Variants in RORB observed in about 807,000 individuals in gnomAD.
RORB encodes the protein nuclear receptor ROR-beta.
In RORB, 6 loss-of-function variants were observed where a neutral mutation model predicts 59.1. The observed-to-expected ratio is 0.10, with a 90% CI of 0.06 to 0.20. RORB has a LOEUF of 0.20. Among genes scored for constraint, RORB ranks in the 10% least tolerant of loss-of-function variants. The probability of loss-of-function intolerance (pLI) is 1.00; values close to 1 mark genes in which losing one functional copy is unlikely to be tolerated. For missense variants in RORB, 320 were observed against 560.5 expected, an observed-to-expected ratio of 0.57 and a Z score of 4.33; for synonymous variants, 215 against 204.5, an observed-to-expected ratio of 1.05 and a Z score of -0.44.
intron 1 of RORB, among the ~76,000 whole-genome samples, chr9:74,500,643 G>C (rs549369454): frequency 1.3e-5 from 2 of 152,258 alleles, no homozygotes; most frequent in South Asian, 2.1e-4. Context: ...TTTGAGCGAC[G>C]GAAAGGTGAT....
chr9:74,680,736 T>G (rs1280010529), intron 9 of RORB, among the ~76,000 whole-genome samples: 1 of 152,244 alleles, frequency 6.6e-6, no homozygotes, highest in Admixed American at 6.5e-5. Context: ...TCACTTTATG[T>G]GCCCTGTTTT....
At position 74,497,952 on chromosome 9, in the gene RORB, C is replaced by G; in HGVS notation, c.-25C>G. ...CGGGCTGGGAGCAGCTTCATGACTA[C>G]GCGGAGCGGGAGAGCGGCCACACCA... is the stretch of plus-strand genomic sequence containing the variant. On this transcript the variant is annotated 5_prime_UTR_variant, in exon 1 of 10. Coordinates refer to ENST00000376896, the MANE Select transcript of RORB (RefSeq NM_006914.4). 6.2e-7 allele frequency: 1 copy of G among 1,611,654 alleles called. No homozygotes were observed. The highest frequency in any genetic ancestry group is 8.5e-7 in the Non-Finnish European group (1 of 1,179,222).
At chr9:74,646,828 A>G (rs984779289) in intron 4 of RORB, among the ~76,000 whole-genome samples, 33 of 152,176 alleles carry the variant, frequency 2.2e-4, no homozygotes, top group African/African-American at 7.2e-4. Context: ...ACGAAAATAA[A>G]TAGTCACGAC....
chr9:74,583,753 A>C (rs1281045426), intron 1 of RORB, among the ~76,000 whole-genome samples: 4 of 152,140 alleles, frequency 2.6e-5, no homozygotes, highest in Non-Finnish European at 5.9e-5. Flanking sequence ...TAAGGAGTAA[A>C]TATTATTTAG....
At chr9:74,673,092 C>T (rs562612488) in intron 9 of RORB, among the ~76,000 whole-genome samples, 8 of 152,310 alleles carry the variant, frequency 5.3e-5, no homozygotes, top group African/African-American at 1.9e-4. Flanking sequence ...TTCTCTTTCA[C>T]GTAACTTTTC....
chr9:74,654,715 T>C (rs548848808), intron 4 of RORB, among the ~76,000 whole-genome samples: 5 of 152,342 alleles, frequency 3.3e-5, no homozygotes, highest in Non-Finnish European at 7.3e-5. Context: ...GTCATTTCTA[T>C]CCCATAAAGT....
At chr9:74,537,967 G>A (rs181789456) in intron 1 of RORB, among the ~76,000 whole-genome samples, 2 of 152,200 alleles carry the variant, frequency 1.3e-5, no homozygotes, top group Non-Finnish European at 2.9e-5. Flanking sequence ...CTCATCCAGA[G>A]AAACTTCCAG....
At chr9:74,564,721 A>G (rs542157094) in intron 1 of RORB, among the ~76,000 whole-genome samples, 1 of 152,376 alleles carries the variant, frequency 6.6e-6, no homozygotes, top group East Asian at 1.9e-4. Flanking sequence ...TTTAAAAAAT[A>G]TAGCATTCAC....
chr9:74,650,155 G>A (rs1823968216), intron 4 of RORB, among the ~76,000 whole-genome samples: 1 of 152,154 alleles, frequency 6.6e-6, no homozygotes, highest in African/African-American at 2.4e-5. Context: ...GGAGGAGCAG[G>A]GAATGTTTCT....
chr9:74,578,632 G>T (rs1420496971), intron 1 of RORB, among the ~76,000 whole-genome samples: 1 of 151,960 alleles, frequency 6.6e-6, no homozygotes, highest in Non-Finnish European at 1.5e-5. Context: ...GACATGAAAT[G>T]CTGTAAAAGA....
intron 1 of RORB, among the ~76,000 whole-genome samples, chr9:74,528,902 A>G (rs978594605): frequency 5.3e-5 from 8 of 152,032 alleles, no homozygotes; most frequent in Non-Finnish European, 1.0e-4. Flanking sequence ...GGTAGGTTAA[A>G]TAACATTCCT....
At chr9:74,681,669 C>A (rs1247003608) in intron 9 of RORB, among the ~76,000 whole-genome samples, 1 of 152,132 alleles carries the variant, frequency 6.6e-6, no homozygotes, top group African/African-American at 2.4e-5. Context: ...GAGGAAGAGT[C>A]CATATTAACA....
chr9:74,587,238 C>A (rs1371533649), intron 1 of RORB, among the ~76,000 whole-genome samples: 4 of 152,174 alleles, frequency 2.6e-5, no homozygotes, highest in African/African-American at 9.7e-5. Flanking sequence ...AGATAAGATT[C>A]ATATTTTGTC....
At chr9:74,562,376 T>C (rs1196795935) in intron 1 of RORB, among the ~76,000 whole-genome samples, 1 of 152,254 alleles carries the variant, frequency 6.6e-6, no homozygotes, top group Non-Finnish European at 1.5e-5. Context: ...TGTGTGTATG[T>C]ATGAATAAAT....
chr9:74,669,369 C>A (rs1824314610), intron 8 of RORB, among the ~76,000 whole-genome samples: 1 of 151,692 alleles, frequency 6.6e-6, no homozygotes, highest in Non-Finnish European at 1.5e-5. Context: ...ATTCCAGCTC[C>A]TTGGGAAGCT....
intron 1 of RORB, among the ~76,000 whole-genome samples, chr9:74,617,514 C>A (rs571235927): frequency 6.6e-6 from 1 of 152,260 alleles, no homozygotes; most frequent in South Asian, 2.1e-4. Context: ...GGATCTGATG[C>A]GCTCAAATAT....
At chr9:74,506,381 A>G (rs140193681) in intron 1 of RORB, among the ~76,000 whole-genome samples, 2 of 152,230 alleles carry the variant, frequency 1.3e-5, no homozygotes, top group Non-Finnish European at 2.9e-5. Flanking sequence ...GACTCTTAGT[A>G]ATAAAAACCT....
intron 1 of RORB, among the ~76,000 whole-genome samples, chr9:74,518,191 G>T (rs1826035516): frequency 6.6e-6 from 1 of 151,962 alleles, no homozygotes; most frequent in Non-Finnish European, 1.5e-5. Context: ...CTAAGTGAGT[G>T]GTCTAGGGAA....
chr9:74,655,519 G>C (rs900238752), intron 4 of RORB, among the ~76,000 whole-genome samples: 3 of 152,184 alleles, frequency 2.0e-5, no homozygotes, highest in African/African-American at 7.2e-5. Context: ...CATATCCTCT[G>C]CTCTTTTACC....
Sources: gnomAD v4.1 joint callset for allele counts (sites outside exome capture counted in the v4.1 genomes callset) on GRCh38, gnomAD v4.1.1 for gene constraint, MANE v1.5 for transcripts, NCBI Gene and HGNC (gene_info 2026-07-23, HGNC 2026-07-21) for gene names.